FAM89A: variants seen among roughly 807,000 people sequenced by gnomAD.
FAM89A encodes the protein family with sequence similarity 89 member A, also known as protein FAM89A.
Under a neutral mutation model 7.1 loss-of-function variants are expected in FAM89A, and 10 were observed. The observed-to-expected ratio is 1.40, with a 90% CI of 0.86 to 2.38. The LOEUF (loss-of-function observed/expected upper bound fraction) is 2.38. FAM89A is among the 30% of genes most tolerant of loss of function. The pLI, the probability that FAM89A is intolerant of heterozygous loss-of-function variation, is 0.00. For missense variants in FAM89A, 276 were observed against 262.8 expected, an observed-to-expected ratio of 1.05 and a Z score of -0.35; for synonymous variants, 157 against 129.3, an observed-to-expected ratio of 1.21 and a Z score of -1.45.
At position 231,040,143 on chromosome 1, in the gene FAM89A, C is replaced by T. The variant is rs955816746; in HGVS notation, c.69G>A (p.Gly23=). The change falls in exon 1 of 2, where the codon GGG becomes GGA. Residue 23 remains glycine (G), a synonymous_variant. Transcript: ENST00000366654. ...TCAAGCTCTTTGGCAGCGGGGGCAG[C>T]CCGTCCACCCGCAGCCCCCGGACCG... ...NGAVRGLRVD[G]LPPLPKSLSG... 4.5e-6 allele frequency: 6 copies of T among 1,329,142 alleles called. No individual in the cohort carries two copies. Among genetic ancestry groups the T allele is most frequent in the Middle Eastern group, 2.8e-4 (1 of 3,520 alleles). The allele number at this position is 1,329,142 out of a possible 1,614,324, so 82.3% of individuals were successfully genotyped here. A position where few individuals can be genotyped will look rare whatever the true frequency, so the allele number is the denominator to read the frequency against.
intron 1 of FAM89A, among the ~76,000 whole-genome samples, chr1:231,022,748 A>C (rs1572353669): frequency 6.6e-6 from 1 of 152,328 alleles, no homozygotes; most frequent in South Asian, 2.1e-4. Context: ...AATCAAGAGA[A>C]GCTCTGCAGG....
rs1198347907 is a variant in FAM89A, at chr1:231,040,150, ACCCGCAGCCCCCGGACCGCGCCGTTG to A, written c.36_61del (p.Asn13GlyfsTer123). ...CTTTGGCAGCGGGGGCAGCCCGTCC[ACCCGCAGCCCCCGGACCGCGCCGTTG>A]CCCGCGGCCCCGGGCGCCGCCCGGG... is the stretch of plus-strand genomic sequence containing the variant. On this transcript the variant is annotated frameshift_variant, in exon 1 of 2. Transcript: ENST00000366654. LOFTEE classifies it high-confidence loss of function. The A allele has an allele frequency of 1.1e-5, 14 of 1,311,172 alleles. No homozygotes were observed. Among genetic ancestry groups the A allele is most frequent in the South Asian group, 2.0e-5 (1 of 50,734 alleles). The allele number at this position is 1,311,172 out of a possible 1,614,324, so 81.2% of individuals were successfully genotyped here.
intron 1 of FAM89A, among the ~76,000 whole-genome samples, chr1:231,023,899 A>G (rs561043741): frequency 1.1e-3 from 164 of 152,328 alleles, no homozygotes; most frequent in African/African-American, 3.9e-3. Flanking sequence ...CTAATAAAAT[A>G]TGGTAACACC....
intron 1 of FAM89A, among the ~76,000 whole-genome samples, chr1:231,021,253 T>A (rs1320835940): frequency 6.6e-6 from 1 of 152,246 alleles, no homozygotes; most frequent in Non-Finnish European, 1.5e-5. Flanking sequence ...GTGCCTTGGT[T>A]GATGGCAAAA....
intron 1 of FAM89A, chr1:231,022,285 T>A (rs954986169): frequency 4.2e-6 from 3 of 716,170 alleles, no homozygotes; most frequent in African/African-American, 1.7e-5. Context: ...GAAACCCACG[T>A]CTGATATGTA....
intron 1 of FAM89A, among the ~76,000 whole-genome samples, chr1:231,034,182 C>T (rs1680120484): frequency 6.6e-6 from 1 of 152,112 alleles, no homozygotes; most frequent in Non-Finnish European, 1.5e-5. Context: ...GTGAAGTGTC[C>T]TTGGGGACCC....
At chr1:231,020,624 C>T (rs1558253388) in intron 1 of FAM89A, among the ~76,000 whole-genome samples, 2 of 152,166 alleles carry the variant, frequency 1.3e-5, no homozygotes, top group East Asian at 3.9e-4. Flanking sequence ...GTGACATCCC[C>T]CTGGAGCACC....
At chr1:231,037,084 G>C (rs773216052) in intron 1 of FAM89A, among the ~76,000 whole-genome samples, 1 of 152,202 alleles carries the variant, frequency 6.6e-6, no homozygotes, top group South Asian at 2.1e-4. Context: ...GTGTGTGTGT[G>C]AGAGTGCATG....
chr1:231,025,637 C>T (rs1679956934), intron 1 of FAM89A, among the ~76,000 whole-genome samples: 2 of 151,416 alleles, frequency 1.3e-5, no homozygotes, highest in African/African-American at 4.9e-5. Flanking sequence ...GTGTGTCTGT[C>T]AAGAGGGAGG....
rs1679839800 is a variant in FAM89A at position 231,019,831 on chromosome 1, C to T, written c.*32G>A. ...ATGACAGCGTGTCCAGTAGGAAGGG[C>T]TTCCCAACAGTCACATCCCTCCCAA... On this transcript the variant is annotated 3_prime_UTR_variant, in exon 2 of 2. Coordinates refer to ENST00000366654, the MANE Select transcript of FAM89A (RefSeq NM_198552.3). 5 of 1,597,998 alleles carry T rather than the reference C, an allele frequency of 3.1e-6. No homozygotes were observed. The highest frequency in any genetic ancestry group is 4.3e-6 in the Non-Finnish European group (5 of 1,169,468).
At position 231,023,082 on chromosome 1, in the gene FAM89A, C is replaced by T. The variant is rs115431236; in HGVS notation, c.292-2956G>A. Among the ~76,000 whole-genome samples the T allele has an allele frequency of 7.9e-4, 120 of 152,156 alleles. 1 individual carries two copies. Among genetic ancestry groups the T allele is most frequent in the Non-Finnish European group, 2.5e-4 (17 of 68,034 alleles). ...TTCCCACTGCCTAACATCTGCCCCC[C>T]GTGTAGATACTGAGAGGTGGTGGCA... On this transcript the variant is annotated intron_variant, in intron 1 of 1. Transcript: ENST00000366654.
chr1:231,039,676 T>C (rs1680222682), intron 1 of FAM89A, among the ~76,000 whole-genome samples: 2 of 152,258 alleles, frequency 1.3e-5, no homozygotes, highest in South Asian at 4.1e-4. Flanking sequence ...GGGGCCGGAC[T>C]GAGGGCGCCG....
At chr1:231,034,367 C>T (rs781359658) in intron 1 of FAM89A, among the ~76,000 whole-genome samples, 12 of 152,140 alleles carry the variant, frequency 7.9e-5, no homozygotes, top group Non-Finnish European at 1.0e-4. Flanking sequence ...GAGATTTTAG[C>T]CCAAAAGAGT....
chr1:231,037,029 A>G (rs530901037), intron 1 of FAM89A, among the ~76,000 whole-genome samples: 2 of 152,352 alleles, frequency 1.3e-5, no homozygotes, highest in East Asian at 3.9e-4. Context: ...CAGCCCAAAA[A>G]GCAAACCAAA....
rs1679830400 is a variant in FAM89A at position 231,019,382 on chromosome 1, G to C, written c.*481C>G. The stretch of plus-strand genomic sequence containing the variant: ...CAAATAAATAAAGCTGAGGCGAGAG[G>C]TTTAAACAGCAAGAAAAGCTGCAGA... On this transcript the variant is annotated 3_prime_UTR_variant, in exon 2 of 2. Transcript: ENST00000366654. 6.5e-6 allele frequency: 1 copy of C among 154,986 alleles called. No homozygotes were observed. The highest frequency in any genetic ancestry group is 6.2e-5 in the Admixed American group (1 of 16,010). The allele number at this position is 154,986 out of a possible 1,614,324, so 9.6% of individuals were successfully genotyped here. A position where few individuals can be genotyped will look rare whatever the true frequency, so the allele number is the denominator to read the frequency against.
intron 1 of FAM89A, chr1:231,022,097 C>G: frequency 7.2e-7 from 1 of 1,387,370 alleles, no homozygotes; most frequent in Non-Finnish European, 1.0e-6. Flanking sequence ...TAGCCAGTGC[C>G]TCCGTGATTC....
intron 1 of FAM89A, among the ~76,000 whole-genome samples, chr1:231,038,852 T>G (rs947995864): frequency 2.0e-5 from 3 of 152,226 alleles, no homozygotes; most frequent in African/African-American, 7.2e-5. Flanking sequence ...ATTTAAAAGA[T>G]TCCTATAACA....
Position 231,019,050 on chromosome 1 carries a change from C to G in FAM89A, c.*813G>C, listed in dbSNP as rs1162808572. The G allele has an allele frequency of 1.3e-5, 2 of 152,124 alleles. No homozygotes were observed. Among genetic ancestry groups the G allele is most frequent in the African/African-American group, 4.8e-5 (2 of 41,426 alleles). 9.4% of individuals were successfully genotyped at this position (152,124 alleles called of 1,614,324 possible). ...AATATATTAAGGCTTAAGGTAATTA[C>G]TGGTTTGAGTGGCGGGTGGTTTGCT... is the stretch of plus-strand genomic sequence containing the variant. On this transcript the variant is annotated 3_prime_UTR_variant, in exon 2 of 2. Coordinates refer to ENST00000366654, the MANE Select transcript of FAM89A (RefSeq NM_198552.3).
At chr1:231,024,286 G>A (rs372644918) in intron 1 of FAM89A, among the ~76,000 whole-genome samples, 4 of 151,666 alleles carry the variant, frequency 2.6e-5, no homozygotes, top group East Asian at 3.9e-4. Flanking sequence ...TATAATTACC[G>A]AAATGACTCG....
Sources: allele counts gnomAD v4.1 joint callset (sites outside exome capture counted in the v4.1 genomes callset), GRCh38; gene constraint gnomAD v4.1.1; transcripts MANE v1.5; gene names NCBI Gene and HGNC (gene_info 2026-07-23, HGNC 2026-07-21).